The following LMBR1 variants were observed in gnomAD, a reference collection of about 807,000 sequenced individuals.
LMBR1 encodes limb development membrane protein 1.
A neutral mutation model predicts 73.9 loss-of-function variants in LMBR1; 52 were observed. The observed-to-expected ratio is 0.70, with a 90% CI of 0.56 to 0.89. LMBR1 has a LOEUF of 0.89. LMBR1 is among the 40% of genes least tolerant of loss of function. The pLI is 0.00. For synonymous variants in LMBR1, 215 were observed against 209.4 expected (o/e 1.03, Z -0.23); for missense variants, 539 against 579.8 (o/e 0.93, Z 0.72).
downstream of LMBR1, chr7:156,676,959 A>C: frequency 3.4e-6 from 1 of 290,290 alleles, no homozygotes; most frequent in East Asian, 7.2e-5. Flanking sequence ...TCTGAACGAC[A>C]CTCCTTAAAG....
At chr7:156,779,003 T>C (rs1180761803) in intron 5 of LMBR1, among the ~76,000 whole-genome samples, 1 of 152,190 alleles carries the variant, frequency 6.6e-6, no homozygotes, top group Non-Finnish European at 1.5e-5. Context: ...CTTATTAAAA[T>C]GCGCTTCAAA....
At chr7:156,824,810 A>C (rs1252909498) in intron 4 of LMBR1, among the ~76,000 whole-genome samples, 1 of 151,386 alleles carries the variant, frequency 6.6e-6, no homozygotes. Flanking sequence ...GTGTCACTGC[A>C]CTCTAGGCTA....
intron 1 of LMBR1, among the ~76,000 whole-genome samples, chr7:156,840,693 C>T (rs939407143): frequency 6.6e-6 from 1 of 151,736 alleles, no homozygotes; most frequent in African/African-American, 2.4e-5. Context: ...GGCGCGGTGG[C>T]TCACTCCTGT....
chr7:156,706,960 A>G (rs971556384), intron 15 of LMBR1, among the ~76,000 whole-genome samples: 4 of 151,896 alleles, frequency 2.6e-5, no homozygotes, highest in African/African-American at 9.7e-5. Flanking sequence ...TGGTTCTTCG[A>G]GAAAATAAAT....
At chr7:156,676,345 G>A (rs527633011), downstream of LMBR1, 78 of 1,613,358 alleles carry the variant, frequency 4.8e-5, no homozygotes, top group Non-Finnish European at 6.2e-5. Flanking sequence ...CACATGGTTC[G>A]CATTTCAGTT....
intron 2 of LMBR1, chr7:156,834,489 G>C (rs1837249293): frequency 3.6e-6 from 1 of 279,424 alleles, no homozygotes; most frequent in African/African-American, 2.3e-5. Context: ...TGTAGTGCAG[G>C]ATACTCAGGA....
chr7:156,752,507 G>A (rs76795290), intron 9 of LMBR1, among the ~76,000 whole-genome samples: 2 of 152,314 alleles, frequency 1.3e-5, no homozygotes, highest in Non-Finnish European at 2.9e-5. Context: ...GGGCACTAGG[G>A]GAGCGCTGGC....
intron 5 of LMBR1, among the ~76,000 whole-genome samples, chr7:156,778,296 G>A (rs553778520): frequency 7.2e-4 from 110 of 152,210 alleles, no homozygotes; most frequent in African/African-American, 2.4e-3. Context: ...AGGCTGCCAC[G>A]GTACAAGCCA....
chr7:156,816,591 T>C lies in LMBR1; in HGVS notation c.319+10014A>G, dbSNP rs116342747. Among the ~76,000 whole-genome samples, 508 of 152,266 alleles carry C rather than the reference T, an allele frequency of 3.3e-3. 3 individuals carry two copies. Among genetic ancestry groups the C allele is most frequent in the African/African-American group, 0.011 (474 of 41,556 alleles). Reference sequence around the variant, plus strand: ...TCAACCTAGGTAATTAAATGCAAAATAATAAGTTTATTAGCCAGAATAAAT... The same window carrying C: ...TCAACCTAGGTAATTAAATGCAAAACAATAAGTTTATTAGCCAGAATAAAT... On this transcript the variant is annotated intron_variant, in intron 4 of 16. Transcript: ENST00000353442.
At chr7:156,890,465 T>C (rs1802703310) in intron 1 of LMBR1, among the ~76,000 whole-genome samples, 1 of 152,222 alleles carries the variant, frequency 6.6e-6, no homozygotes, top group Non-Finnish European at 1.5e-5. Context: ...TATAACAATA[T>C]AATACAAGTT....
chr7:156,722,173 G>A (rs1247333397), intron 15 of LMBR1, among the ~76,000 whole-genome samples: 1 of 152,018 alleles, frequency 6.6e-6, no homozygotes, highest in Admixed American at 6.6e-5. Flanking sequence ...GTGATGGGAC[G>A]CTGCTGGCTG....
chr7:156,808,935 G>A lies in LMBR1; in HGVS notation c.320-12443C>T, dbSNP rs111709090. On this transcript the variant is annotated intron_variant, in intron 4 of 16. Transcript: ENST00000353442. Reference sequence around the variant, plus strand: ...GAGAACTTCACAACAGTGTGCTTCCGTGGCTTTCCTCCTGTGTGTTATCGT... The same window carrying A: ...GAGAACTTCACAACAGTGTGCTTCCATGGCTTTCCTCCTGTGTGTTATCGT... 9.3e-4 allele frequency among the ~76,000 whole-genome samples: 142 copies of A among 152,208 alleles called. 3 individuals carry two copies. The East Asian group carries it at 0.017, about 18-fold the overall frequency.
At chr7:156,728,499 T>C in intron 11 of LMBR1, 145 bp downstream of exon 11, 2 of 505,862 alleles carry the variant, frequency 4.0e-6, no homozygotes, top group South Asian at 9.8e-5. Context: ...TGGATTTTCA[T>C]AAATAAAGGC....
rs2134693432 is a variant in LMBR1, at chr7:156,892,949, G to A, written c.45C>T (p.His15=). Residue 15 remains histidine, a synonymous_variant, in exon 1 of 17, where the codon CAC becomes CAT. Coordinates refer to ENST00000353442, the MANE Select transcript of LMBR1 (RefSeq NM_022458.4). The part of the protein sequence containing the change: ...DEVSAREQHF[H]SQVRESTICF... ...GCACCGTGGACTCCCGCACTTGGCTGTGGAAGTGCTGCTCCCGCGCCGACA... is the reference window on the plus strand; with the variant it reads ...GCACCGTGGACTCCCGCACTTGGCTATGGAAGTGCTGCTCCCGCGCCGACA... 1 of 1,542,646 alleles carries A rather than the reference G, an allele frequency of 6.5e-7. No individual in the cohort carries two copies. Among genetic ancestry groups the A allele is most frequent in the Admixed American group, 1.9e-5 (1 of 51,716 alleles).
At chr7:156,690,555 G>A (rs1432746156) in intron 15 of LMBR1, among the ~76,000 whole-genome samples, 1 of 152,188 alleles carries the variant, frequency 6.6e-6, no homozygotes, top group East Asian at 1.9e-4. Context: ...GAACTTCTTA[G>A]TGGACTCAAC....
chr7:156,691,429 T>C (rs1807147431), intron 15 of LMBR1, among the ~76,000 whole-genome samples: 1 of 152,210 alleles, frequency 6.6e-6, no homozygotes, highest in Admixed American at 6.5e-5. Flanking sequence ...TTTCTATTCA[T>C]ACCTATAAAA....
chr7:156,692,511 A>G lies in LMBR1; in HGVS notation c.1226-4320T>C, dbSNP rs938790450. On this transcript the variant is annotated intron_variant, in intron 15 of 16. Transcript: ENST00000353442. ...CCAGATTTTCCCTCTCAACTTTATAAACTGAAATACTGAACAAAGTATATG... is the reference window on the plus strand; with the variant it reads ...CCAGATTTTCCCTCTCAACTTTATAGACTGAAATACTGAACAAAGTATATG... 2.8e-4 allele frequency among the ~76,000 whole-genome samples: 43 copies of G among 152,236 alleles called. 1 individual carries two copies. The highest frequency in any genetic ancestry group is 2.6e-4 in the Non-Finnish European group (18 of 68,044).
chr7:156,883,231 T>A (rs1452952479), intron 1 of LMBR1, among the ~76,000 whole-genome samples: 1 of 151,814 alleles, frequency 6.6e-6, no homozygotes, highest in African/African-American at 2.4e-5. Context: ...GAAACCTGTC[T>A]CTACTGAAAA....
chr7:156,738,573 T>C (rs1818326510), intron 9 of LMBR1, among the ~76,000 whole-genome samples: 2 of 152,206 alleles, frequency 1.3e-5, no homozygotes, highest in South Asian at 4.1e-4. Flanking sequence ...ACTCCTTCCT[T>C]CTGCTCGAAG....
Sources: gnomAD v4.1 joint callset for allele counts (sites outside exome capture counted in the v4.1 genomes callset) on GRCh38, gnomAD v4.1.1 for gene constraint, MANE v1.5 for transcripts, NCBI Gene and HGNC (gene_info 2026-07-23, HGNC 2026-07-21) for gene names.